CLEC3A: variants seen among roughly 807,000 people sequenced by gnomAD.
CLEC3A encodes the protein C-type (calcium dependent, carbohydrate-recognition domain) lectin, superfamily member 1 (cartilage-derived).
A neutral mutation model predicts 20.4 loss-of-function variants in CLEC3A; 28 were observed. That is an observed-to-expected ratio of 1.37 (90% CI 1.02 to 1.88). The LOEUF (loss-of-function observed/expected upper bound fraction) is 1.88, where lower values mean the gene tolerates loss of function less well. CLEC3A is among the 40% of genes most tolerant of loss of function. The pLI is 0.00. For synonymous variants in CLEC3A, 110 were observed against 88.1 expected (o/e 1.25, Z -1.39); for missense variants, 357 against 240.4 (o/e 1.48, Z -3.21).
At chr16:78,024,419 C>G (rs771284915) in intron 1 of CLEC3A, among the ~76,000 whole-genome samples, 1 of 152,092 alleles carries the variant, frequency 6.6e-6, no homozygotes, top group Non-Finnish European at 1.5e-5. Flanking sequence ...ACTCTCTTCT[C>G]TCTCCCTACC....
At chr16:78,029,238 C>T in intron 2 of CLEC3A, 1 of 415,608 alleles carries the variant, frequency 2.4e-6, no homozygotes, top group Non-Finnish European at 4.7e-6. Context: ...CCTGACTCTC[C>T]AGTGCTACGG....
intron 1 of CLEC3A, among the ~76,000 whole-genome samples, chr16:78,027,530 G>A (rs1330713732): frequency 9.2e-5 from 14 of 152,180 alleles, no homozygotes; most frequent in Admixed American, 8.5e-4. Flanking sequence ...AGAGACAGAA[G>A]GAGCCTCATC....
rs773396988 is a variant in CLEC3A at position 78,028,134 on chromosome 16, T to C, written c.143T>C (p.Ile48Thr). 2.0e-5 allele frequency: 33 copies of C among 1,611,798 alleles called. No homozygotes were observed. The highest frequency in any genetic ancestry group is 5.5e-5 in the South Asian group (5 of 90,530). Residue 48 changes from isoleucine (I) to threonine (T), a missense_variant, in exon 2 of 3, where the codon ATT (isoleucine) becomes ACT (threonine). Transcript: ENST00000299642. ...RDKDGDLKTQ[I>T]EKLWTEVNAL... ...AAGGATGGAGATCTGAAGACTCAAA[T>C]TGAAAAGCTCTGGACAGAAGTCAAT...
rs2030139240 is a variant in CLEC3A, at chr16:78,031,884, T to C, written c.*1043T>C. On this transcript the variant is annotated 3_prime_UTR_variant, in exon 3 of 3. Coordinates refer to ENST00000299642, the MANE Select transcript of CLEC3A (RefSeq NM_005752.6). Reference sequence around the variant, plus strand: ...AACTAGATTGTACAAAATAACTTCATTGCTTAATATCAAATTACAAAGTTT... The same window carrying C: ...AACTAGATTGTACAAAATAACTTCACTGCTTAATATCAAATTACAAAGTTT... 6.6e-6 allele frequency: 1 copy of C among 152,414 alleles called. No homozygotes were observed. The highest frequency in any genetic ancestry group is 2.4e-5 in the African/African-American group (1 of 41,460). 9.4% of individuals were successfully genotyped at this position (152,414 alleles called of 1,614,324 possible).
At position 78,030,911 on chromosome 16, in the gene CLEC3A, T is replaced by TA. The variant is rs1323672923; in HGVS notation, c.*75dup. On this transcript the variant is annotated 3_prime_UTR_variant, in exon 3 of 3. Coordinates refer to ENST00000299642, the MANE Select transcript of CLEC3A (RefSeq NM_005752.6). ...TAGGTTCATGATCTCTAAGATCAAG[T>TA]AAAAATCATAATTTTTACTTATTAA... 3 of 1,462,156 alleles carry TA rather than the reference T, an allele frequency of 2.1e-6. No homozygotes were observed. The highest frequency in any genetic ancestry group is 1.4e-5 in the South Asian group (1 of 71,264). The allele number at this position is 1,462,156 out of a possible 1,614,324, so 90.6% of individuals were successfully genotyped here.
At chr16:78,026,750 A>C (rs562717484) in intron 1 of CLEC3A, among the ~76,000 whole-genome samples, 51 of 152,204 alleles carry the variant, frequency 3.4e-4, no homozygotes, top group Non-Finnish European at 5.6e-4. Flanking sequence ...CTGAAATTTC[A>C]ATTTATCCAA....
At chr16:78,028,576 G>A (rs938304707) in intron 2 of CLEC3A, among the ~76,000 whole-genome samples, 1 of 152,230 alleles carries the variant, frequency 6.6e-6, no homozygotes, top group African/African-American at 2.4e-5. Context: ...ATGCTGGAAG[G>A]ACATGGGTTA....
chr16:78,029,638 G>A (rs2030026681), intron 2 of CLEC3A, among the ~76,000 whole-genome samples: 1 of 151,680 alleles, frequency 6.6e-6, no homozygotes, highest in African/African-American at 2.4e-5. Flanking sequence ...TAAGTGCTGG[G>A]ATTATAAGTG....
chr16:78,027,285 G>C (rs1020201499), intron 1 of CLEC3A, among the ~76,000 whole-genome samples: 3 of 152,174 alleles, frequency 2.0e-5, no homozygotes, highest in Non-Finnish European at 4.4e-5. Context: ...TGTGAACTGA[G>C]ACTAGAGAAT....
chr16:78,024,259 C>T (rs536467971), intron 1 of CLEC3A, among the ~76,000 whole-genome samples: 5 of 152,166 alleles, frequency 3.3e-5, no homozygotes, highest in Non-Finnish European at 5.9e-5. Context: ...TGGCACTCCT[C>T]GTGAGAGTGG....
At position 78,028,111 on chromosome 16, in the gene CLEC3A, G is replaced by C. The variant is rs757280362; in HGVS notation, c.120G>C (p.Lys40Asn). Residue 40 changes from lysine (K) to asparagine (N), a missense_variant, in exon 2 of 3, where the codon AAG (lysine) becomes AAC (asparagine). Transcript: ENST00000299642. ...RKHSKRRVRD[K>N]DGDLKTQIEK... ...CCACCCTAAAATTTTCCCCAGACAA[G>C]GATGGAGATCTGAAGACTCAAATTG... 4.4e-6 allele frequency: 7 copies of C among 1,606,948 alleles called. No homozygotes were observed. Among genetic ancestry groups the C allele is most frequent in the South Asian group, 1.1e-5 (1 of 89,440 alleles).
At position 78,022,806 on chromosome 16, in the gene CLEC3A, G is replaced by A. The variant is rs1487366983; in HGVS notation, c.115+65G>A. 9.0e-6 allele frequency: 14 copies of A among 1,562,984 alleles called. No homozygotes were observed. In the Admixed American group the frequency reaches 1.3e-4, roughly 14 times the overall value. On this transcript the variant is annotated intron_variant, in intron 1 of 2. Coordinates refer to ENST00000299642, the MANE Select transcript of CLEC3A (RefSeq NM_005752.6). The stretch of plus-strand genomic sequence containing the variant: ...ACAGTGTGGGGAGGTGCTGGACAAT[G>A]TTAATTTTCAAACTCCTCCAGGAGA...
intron 2 of CLEC3A, among the ~76,000 whole-genome samples, chr16:78,028,837 T>A (rs924102298): frequency 6.6e-6 from 1 of 152,230 alleles, no homozygotes; most frequent in African/African-American, 2.4e-5. Flanking sequence ...CAGGGAAGAC[T>A]GAAGTTACGG....
rs2030128665 is a variant in CLEC3A, at chr16:78,031,663, A to G, written c.*822A>G. On this transcript the variant is annotated 3_prime_UTR_variant, in exon 3 of 3. Coordinates refer to ENST00000299642, the MANE Select transcript of CLEC3A (RefSeq NM_005752.6). The stretch of plus-strand genomic sequence containing the variant: ...TTTAGCATCCTTACTCTCACCTTTT[A>G]TGAGATTGAGAGTGGACTTACATTT... 1 of 152,190 alleles carries G rather than the reference A, an allele frequency of 6.6e-6. No homozygotes were observed. Among genetic ancestry groups the G allele is most frequent in the Admixed American group, 6.5e-5 (1 of 15,280 alleles). The allele number at this position is 152,190 out of a possible 1,614,324, so 9.4% of individuals were successfully genotyped here.
chr16:78,029,397 C>G (rs1459612593), intron 2 of CLEC3A, among the ~76,000 whole-genome samples: 1 of 152,206 alleles, frequency 6.6e-6, no homozygotes, highest in Admixed American at 6.5e-5. Flanking sequence ...GAGACAGAGT[C>G]TTGCACTGTT....
At chr16:78,023,572 A>G (rs563530149) in intron 1 of CLEC3A, among the ~76,000 whole-genome samples, 1 of 152,320 alleles carries the variant, frequency 6.6e-6, no homozygotes, top group Non-Finnish European at 1.5e-5. Context: ...ATTTCAGATT[A>G]TGACTATTTC....
rs1485807615 is a variant in CLEC3A at position 78,030,775 on chromosome 16, C to G, written c.528C>G (p.Gly176=). The change falls in exon 3 of 3, where the codon GGC becomes GGG. Residue 176 remains glycine, a synonymous_variant. Transcript: ENST00000299642. Reference sequence around the variant, plus strand: ...TCCTGTTCTCCCAATCAGCTCAGGGCAAGTGGAGTGATGAGGCCTGTCGCA... The same window carrying G: ...TCCTGTTCTCCCAATCAGCTCAGGGGAAGTGGAGTGATGAGGCCTGTCGCA... ...NCVLFSQSAQ[G]KWSDEACRSS... The G allele has an allele frequency of 1.9e-6, 3 of 1,614,008 alleles. No individual in the cohort carries two copies. In the Admixed American group the frequency reaches 5.0e-5, roughly 27 times the overall value.
chr16:78,028,239 T>C, intron 2 of CLEC3A, 49 bp downstream of exon 2: 1 of 1,388,210 alleles, frequency 7.2e-7, no homozygotes, highest in Non-Finnish European at 9.8e-7. Context: ...GACAGGAAAA[T>C]TTCTGGGTCA....
chr16:78,031,055 T>A lies in CLEC3A; in HGVS notation c.*214T>A. 1 of 527,662 alleles carries A rather than the reference T, an allele frequency of 1.9e-6. No individual in the cohort carries two copies. Among genetic ancestry groups the A allele is most frequent in the Non-Finnish European group, 3.3e-6 (1 of 303,840 alleles). 32.7% of individuals were successfully genotyped at this position (527,662 alleles called of 1,614,324 possible). ...ATAGGGGATCAGAAATATTGATCCA[T>A]GTGCACGCAGATAAAATGGCTTCTG... is the stretch of plus-strand genomic sequence containing the variant. On this transcript the variant is annotated 3_prime_UTR_variant, in exon 3 of 3. Coordinates refer to ENST00000299642, the MANE Select transcript of CLEC3A (RefSeq NM_005752.6).
Sources: gnomAD v4.1 joint callset for allele counts (sites outside exome capture counted in the v4.1 genomes callset) on GRCh38, gnomAD v4.1.1 for gene constraint, MANE v1.5 for transcripts, NCBI Gene and HGNC (gene_info 2026-07-23, HGNC 2026-07-21) for gene names.